PRUNE2: variants seen among roughly 807,000 people sequenced by gnomAD.
PRUNE2 encodes prune homolog 2 with BCH domain, also known as protein prune homolog 2.
PRUNE2 carries 164 observed loss-of-function variants against 252.0 expected under a neutral mutation model. That is an observed-to-expected ratio of 0.65 (90% CI 0.57 to 0.74). The LOEUF is 0.74. Ranked by LOEUF, PRUNE2 falls within the 30% of genes least tolerant of loss-of-function variation. The pLI, the probability that PRUNE2 is intolerant of heterozygous loss-of-function variation, is 0.00. For missense variants in PRUNE2, 3,495 were observed against 3,711.0 expected (o/e 0.94, Z 1.51); for synonymous variants, 1,292 against 1,350.2 (o/e 0.96, Z 0.94).
intron 1 of PRUNE2, among the ~76,000 whole-genome samples, chr9:76,866,476 T>C (rs2060845252): frequency 6.6e-6 from 1 of 152,234 alleles, no homozygotes; most frequent in Non-Finnish European, 1.5e-5. Flanking sequence ...GTGGGAAATA[T>C]TTTGTAAAGT....
intron 6 of PRUNE2, among the ~76,000 whole-genome samples, chr9:76,768,975 G>A (rs1047967591): frequency 1.1e-4 from 16 of 152,172 alleles, no homozygotes; most frequent in African/African-American, 1.9e-4. Context: ...TATATAACTC[G>A]ACCCTTTCCA....
chr9:76,826,326 T>A (rs1172266746), intron 5 of PRUNE2, among the ~76,000 whole-genome samples: 1 of 152,054 alleles, frequency 6.6e-6, no homozygotes, highest in East Asian at 1.9e-4. Flanking sequence ...ATGCCAAAAA[T>A]TAGCTGACTG....
Position 76,708,285 on chromosome 9 carries a change from G to A in PRUNE2, c.3989C>T (p.Ala1330Val), listed in dbSNP as rs1261603368. 1 of 1,613,690 alleles carries A rather than the reference G, an allele frequency of 6.2e-7. No homozygotes were observed. Among genetic ancestry groups the A allele is most frequent in the Admixed American group, 1.7e-5 (1 of 60,010 alleles). Residue 1330 changes from alanine to valine, a missense_variant, in exon 8 of 19, where the codon GCC becomes GTC. Transcript: ENST00000376718. ...GDGQSESEKE[A>V]QGATDRGHLD... Reference sequence around the variant, plus strand: ...GTGCCCCCTGTCAGTGGCTCCCTGGGCTTCCTTCTCACTTTCACTTTGTCC... The same window carrying A: ...GTGCCCCCTGTCAGTGGCTCCCTGGACTTCCTTCTCACTTTCACTTTGTCC...
chr9:76,680,644 G>T (rs555512543), intron 9 of PRUNE2, among the ~76,000 whole-genome samples: 1 of 152,274 alleles, frequency 6.6e-6, no homozygotes, highest in South Asian at 2.1e-4. Flanking sequence ...AGCAACTCAA[G>T]CGCCCATTAA....
intron 9 of PRUNE2, among the ~76,000 whole-genome samples, chr9:76,661,875 G>A (rs1273136866): frequency 6.9e-6 from 1 of 145,836 alleles, no homozygotes; most frequent in Non-Finnish European, 1.5e-5. Context: ...TAAAAACACA[G>A]TTTTTTTTTT....
At chr9:76,739,244 G>C (rs1215486779) in intron 6 of PRUNE2, 1 of 152,172 alleles carries the variant, frequency 6.6e-6, no homozygotes, top group Non-Finnish European at 1.5e-5. Flanking sequence ...AAATGCTAGA[G>C]TGCAGGAGTA....
intron 11 of PRUNE2, among the ~76,000 whole-genome samples, chr9:76,649,938 C>CTT (rs11448854): frequency 4.8e-4 from 70 of 147,132 alleles, no homozygotes; most frequent in South Asian, 6.5e-4. Context: ...GTAACGCTTA[C>CTT]TTTTTTTTTT....
At chr9:76,763,561 G>C (rs2051973949) in intron 6 of PRUNE2, among the ~76,000 whole-genome samples, 1 of 152,190 alleles carries the variant, frequency 6.6e-6, no homozygotes, top group Non-Finnish European at 1.5e-5. Flanking sequence ...TGACACAAAA[G>C]TAATGAACAG....
chr9:76,823,811 C>G (rs529327248), intron 5 of PRUNE2, 85 bp from the exon 6 acceptor site: 1 of 788,822 alleles, frequency 1.3e-6, no homozygotes, highest in African/African-American at 1.7e-5. Context: ...GAAGAATTTA[C>G]TCTGTAAATT....
At chr9:76,902,617 T>C (rs905209711) in intron 1 of PRUNE2, among the ~76,000 whole-genome samples, 5 of 152,208 alleles carry the variant, frequency 3.3e-5, no homozygotes, top group African/African-American at 1.2e-4. Flanking sequence ...CTCGTGTCAA[T>C]TCCATATGTG....
intron 9 of PRUNE2, among the ~76,000 whole-genome samples, chr9:76,689,512 C>A (rs907721305): frequency 4.0e-4 from 61 of 152,142 alleles, no homozygotes; most frequent in African/African-American, 1.3e-3. Flanking sequence ...CATGCCACCA[C>A]ATTCAGCTAA....
At chr9:76,671,998 C>A (rs537914670) in intron 9 of PRUNE2, among the ~76,000 whole-genome samples, 1 of 150,916 alleles carries the variant, frequency 6.6e-6, no homozygotes, top group Admixed American at 6.6e-5. Context: ...CATCAACTAA[C>A]GAGCAAAATA....
intron 8 of PRUNE2, among the ~76,000 whole-genome samples, 166 bp downstream of exon 8, chr9:76,704,595 A>G (rs1332073551): frequency 6.6e-6 from 1 of 152,200 alleles, no homozygotes; most frequent in Non-Finnish European, 1.5e-5. Flanking sequence ...TTACATATGC[A>G]CTAGATTTTA....
intron 2 of PRUNE2, among the ~76,000 whole-genome samples, chr9:76,853,389 T>C (rs1190497084): frequency 6.6e-6 from 1 of 152,164 alleles, no homozygotes; most frequent in Non-Finnish European, 1.5e-5. Flanking sequence ...ACCTAGACAC[T>C]CATAACATAC....
At chr9:76,719,234 T>A (rs1036334524) in intron 6 of PRUNE2, among the ~76,000 whole-genome samples, 3 of 147,310 alleles carry the variant, frequency 2.0e-5, no homozygotes, top group African/African-American at 7.4e-5. Flanking sequence ...TTATTATTAC[T>A]TTTTTTTTTA....
At chr9:76,858,929 A>G (rs2060408667) in intron 1 of PRUNE2, among the ~76,000 whole-genome samples, 1 of 152,070 alleles carries the variant, frequency 6.6e-6, no homozygotes. Context: ...TAATGTATAC[A>G]TTTTCCAAAT....
intron 4 of PRUNE2, among the ~76,000 whole-genome samples, chr9:76,837,994 A>G (rs1216390040): frequency 6.6e-6 from 1 of 151,816 alleles, no homozygotes; most frequent in Non-Finnish European, 1.5e-5. Flanking sequence ...GATGGTCTCG[A>G]TCTCCTGACC....
chr9:76,649,483 G>A (rs1358548459), intron 11 of PRUNE2, among the ~76,000 whole-genome samples: 1 of 152,154 alleles, frequency 6.6e-6, no homozygotes, highest in East Asian at 1.9e-4. Context: ...CTACTCAGGA[G>A]GCTAAGGTAG....
intron 4 of PRUNE2, among the ~76,000 whole-genome samples, chr9:76,832,111 T>C (rs1287666990): frequency 1.3e-5 from 2 of 152,006 alleles, no homozygotes; most frequent in Non-Finnish European, 2.9e-5. Context: ...TCTAAATATA[T>C]AAAGCAAAAA....
Sources: gnomAD v4.1 joint callset for allele counts (sites outside exome capture counted in the v4.1 genomes callset) on GRCh38, gnomAD v4.1.1 for gene constraint, MANE v1.5 for transcripts, NCBI Gene and HGNC (gene_info 2026-07-23, HGNC 2026-07-21) for gene names.